FHIP2A: variants seen among roughly 807,000 people sequenced by gnomAD.
The protein encoded by FHIP2A is FHF complex subunit HOOK interacting protein 2A, also known as family with sequence similarity 160 member B1.
FHIP2A carries 46 observed loss-of-function variants against 93.5 expected under a neutral mutation model. That is an observed-to-expected ratio of 0.49 (90% confidence interval 0.39 to 0.63). The LOEUF is 0.63. Among genes scored for constraint, FHIP2A ranks in the 20% least tolerant of loss-of-function variants. The probability of loss-of-function intolerance (pLI) is 0.00; values close to 1 mark genes in which losing one functional copy is unlikely to be tolerated. For synonymous variants in FHIP2A, 332 were observed against 326.5 expected (o/e 1.02, Z -0.18); for missense variants, 769 against 909.7 (o/e 0.85, Z 1.99).
At chr10:114,876,088 G>C (rs1354958664) in intron 16 of FHIP2A, among the ~76,000 whole-genome samples, 1 of 152,120 alleles carries the variant, frequency 6.6e-6, no homozygotes, top group Non-Finnish European at 1.5e-5. Context: ...GAAGAGACCC[G>C]GGGCCCCCAC....
intron 16 of FHIP2A, among the ~76,000 whole-genome samples, chr10:114,891,621 ATAT>A (rs2083975402): frequency 7.8e-6 from 1 of 127,880 alleles, no homozygotes. Context: ...GTGTATATAC[ATAT>A]TTTTTTTTTT....
In FHIP2A at chr10:114,855,314, G is replaced by T. The variant is rs758576833; in HGVS notation, c.1921G>T (p.Asp641Tyr). Reference sequence around the variant, plus strand: ...AGGTCATTTTTTGAAAGTGCTGTTCGACAGAATGGGAAGAATTCTTGATCA... The same window carrying T: ...AGGTCATTTTTTGAAAGTGCTGTTCTACAGAATGGGAAGAATTCTTGATCA... ...FEGHFLKVLF[D>Y]RMGRILDQPY... The change falls in exon 14 of 17, where the codon GAC becomes TAC. Residue 641 changes from aspartate to tyrosine, a missense_variant. Asp to Tyr is a radical substitution (Grantham distance 160). Transcript: ENST00000369248. 1 of 1,613,844 alleles carries T rather than the reference G, an allele frequency of 6.2e-7. No individual in the cohort carries two copies. The highest frequency in any genetic ancestry group is 8.5e-7 in the Non-Finnish European group (1 of 1,179,808).
In FHIP2A at chr10:114,825,290, T is replaced by C. The variant is rs999666823; in HGVS notation, c.45+3167T>C. ...AGCCTCCCACCTCCATCTCCTAAAG[T>C]GCCAGGATTATAGGGATGGAGCCAT... On this transcript the variant is annotated intron_variant, in intron 1 of 16. Coordinates refer to ENST00000369248, the MANE Select transcript of FHIP2A (RefSeq NM_020940.4). Among the ~76,000 whole-genome samples the C allele has an allele frequency of 4.6e-5, 7 of 152,332 alleles. No homozygotes were observed. In the South Asian group the frequency reaches 1.5e-3, roughly 32 times the overall value.
chr10:114,849,762 A>G (rs1173588657), intron 13 of FHIP2A, among the ~76,000 whole-genome samples: 1 of 152,188 alleles, frequency 6.6e-6, no homozygotes, highest in East Asian at 1.9e-4. Context: ...CAGTCACTTC[A>G]TATTGACTTC....
chr10:114,844,029 T>G (rs932728456), intron 7 of FHIP2A, 92 bp downstream of exon 7: 8 of 1,017,418 alleles, frequency 7.9e-6, no homozygotes, highest in Non-Finnish European at 1.1e-5. Flanking sequence ...TAGAAGTCTT[T>G]GAAAAATTGA....
intron 5 of FHIP2A, among the ~76,000 whole-genome samples, chr10:114,840,251 G>A (rs1420435473): frequency 6.6e-6 from 1 of 152,170 alleles, no homozygotes; most frequent in Non-Finnish European, 1.5e-5. Flanking sequence ...ACAGACAAAT[G>A]AGCCTTGACA....
At chr10:114,892,369 G>T (rs143818577) in intron 16 of FHIP2A, among the ~76,000 whole-genome samples, 2 of 152,228 alleles carry the variant, frequency 1.3e-5, no homozygotes, top group South Asian at 2.1e-4. Context: ...AATGAAGACC[G>T]GGTGCGGTGG....
chr10:114,875,942 AAG>A (rs1282715305), intron 16 of FHIP2A, among the ~76,000 whole-genome samples: 2 of 151,364 alleles, frequency 1.3e-5, no homozygotes, highest in Admixed American at 6.6e-5. Flanking sequence ...GAGAAAGAAA[AAG>A]AACAGAAAGA....
In FHIP2A at chr10:114,877,031, C is replaced by T. The variant is rs1358744691; in HGVS notation, c.2192+15697C>T. On this transcript the variant is annotated intron_variant, in intron 16 of 16. Transcript: ENST00000369250. ...CAGCTTTTATCTGCAACTGTTACTC[C>T]TGACAGTTAAGAACACGTCTGAAGT... Among the ~76,000 whole-genome samples, 51 of 152,188 alleles carry T rather than the reference C, an allele frequency of 3.4e-4. 1 individual carries two copies. The highest frequency in any genetic ancestry group is 3.3e-3 in the Admixed American group (51 of 15,286).
rs17095662 is a variant in FHIP2A at position 114,836,312 on chromosome 10, A to T, written c.522+66A>T. The T allele has an allele frequency of 1.8e-5, 22 of 1,246,292 alleles. 2 individuals are homozygous for T. The Middle Eastern group carries it at 4.0e-3, about 227-fold the overall frequency. The allele number at this position is 1,246,292 out of a possible 1,614,324, so 77.2% of individuals were successfully genotyped here. A position where few individuals can be genotyped will look rare whatever the true frequency, so the allele number is the denominator to read the frequency against. On this transcript the variant is annotated intron_variant, in intron 5 of 16. Coordinates refer to ENST00000369248, the MANE Select transcript of FHIP2A (RefSeq NM_020940.4). ...TTAAGATCATTATGAAAATTGAATTATGTGAATAATATTAGAAGGAGCTCT... is the reference window on the plus strand; with the variant it reads ...TTAAGATCATTATGAAAATTGAATTTTGTGAATAATATTAGAAGGAGCTCT...
At chr10:114,835,811 C>G (rs906031152) in intron 4 of FHIP2A, among the ~76,000 whole-genome samples, 170 bp downstream of exon 4, 2 of 152,140 alleles carry the variant, frequency 1.3e-5, no homozygotes, top group Non-Finnish European at 2.9e-5. Context: ...AGTGTATTTA[C>G]AGTGTACTTA....
At chr10:114,864,793 G>A, downstream of FHIP2A, 2 of 658,316 alleles carry the variant, frequency 3.0e-6, no homozygotes, top group Non-Finnish European at 3.8e-6. Flanking sequence ...TTAACTTTTT[G>A]CACCCCCAGC....
rs756686463 is a variant in FHIP2A, at chr10:114,861,249, C to G, written c.2107C>G (p.Leu703Val). ...GATGCAGGTTGTTGGAGACCTTATG[C>G]TTCGAATCCAGCGTATTCAAGACTT... Reference protein sequence around the residue: ...VIVRVVGDLMLRIQRIQDFTP... With the variant: ...VIVRVVGDLMVRIQRIQDFTP... Residue 703 changes from leucine (L) to valine (V), a missense_variant, in exon 16 of 17, where the codon CTT becomes GTT. Physicochemically the swap from Leu to Val is conservative, Grantham distance 32. Transcript: ENST00000369248. The G allele has an allele frequency of 1.9e-6, 3 of 1,614,036 alleles. No homozygotes were observed. In the Admixed American group the frequency reaches 5.0e-5, roughly 27 times the overall value.
intron 16 of FHIP2A, among the ~76,000 whole-genome samples, chr10:114,894,853 C>G (rs532297269): frequency 4.6e-5 from 7 of 152,166 alleles, no homozygotes. Context: ...ATGTTAATTT[C>G]TTCTACTATC....
At chr10:114,856,499 G>C (rs1443251917) in intron 14 of FHIP2A, among the ~76,000 whole-genome samples, 3 of 152,130 alleles carry the variant, frequency 2.0e-5, no homozygotes, top group Admixed American at 2.0e-4. Flanking sequence ...GAGCCAGTTT[G>C]CTAGGCGTAG....
intron 5 of FHIP2A, among the ~76,000 whole-genome samples, chr10:114,837,596 G>A (rs1000852619): frequency 3.9e-5 from 6 of 151,942 alleles, no homozygotes; most frequent in Non-Finnish European, 8.8e-5. Flanking sequence ...GAATTCACTC[G>A]TTTCAGTCTG....
At chr10:114,896,682 G>T (rs182543183) in intron 16 of FHIP2A, among the ~76,000 whole-genome samples, 1 of 152,146 alleles carries the variant, frequency 6.6e-6, no homozygotes, top group African/African-American at 2.4e-5. Context: ...TTTCCAGACC[G>T]AACCAATGTA....
chr10:114,850,094 G>A (rs977566253), intron 13 of FHIP2A, among the ~76,000 whole-genome samples: 9 of 152,114 alleles, frequency 5.9e-5, no homozygotes, highest in African/African-American at 1.4e-4. Context: ...TGTTGAATAC[G>A]GGTTTTCCGT....
At chr10:114,850,102 C>T (rs1214252364) in intron 13 of FHIP2A, among the ~76,000 whole-genome samples, 4 of 151,960 alleles carry the variant, frequency 2.6e-5, no homozygotes, top group South Asian at 2.1e-4. Context: ...ACGGGTTTTC[C>T]GTTTTCTTGG....
Sources: allele counts gnomAD v4.1 joint callset (sites outside exome capture counted in the v4.1 genomes callset), GRCh38; gene constraint gnomAD v4.1.1; transcripts MANE v1.5; gene names NCBI Gene and HGNC (gene_info 2026-07-23, HGNC 2026-07-21).